The following FAM118A variants were observed in gnomAD, a reference collection of about 807,000 sequenced individuals.
The protein encoded by FAM118A is SIR2 antiphage like 2, also known as protein FAM118A.
A neutral mutation model predicts 38.2 loss-of-function variants in FAM118A; 25 were observed. The ratio of observed to expected loss-of-function variants is 0.65; its 90% CI spans 0.48 to 0.91. The LOEUF (loss-of-function observed/expected upper bound fraction) is 0.91, where lower values mean the gene tolerates loss of function less well. Ranked by LOEUF, FAM118A falls within the 40% of genes least tolerant of loss-of-function variation. FAM118A has a pLI of 0.00. For synonymous variants in FAM118A, 178 were observed against 184.1 expected, an observed-to-expected ratio of 0.97 and a Z score of 0.27; for missense variants, 425 against 463.3, an observed-to-expected ratio of 0.92 and a Z score of 0.76.
chr22:45,328,500 C>T (rs562960196), intron 4 of FAM118A: 33 of 797,518 alleles, frequency 4.1e-5, no homozygotes, highest in East Asian at 1.2e-4. Flanking sequence ...GGCATGGTGG[C>T]GCCTGCCTGC....
In FAM118A at chr22:45,323,231, G is replaced by A; in HGVS notation, c.104G>A (p.Gly35Glu). The A allele has an allele frequency of 6.2e-7, 1 of 1,614,178 alleles. No individual in the cohort carries two copies. The highest frequency in any genetic ancestry group is 8.5e-7 in the Non-Finnish European group (1 of 1,180,032). ...CCCCAGGAACTGCTCCTGGTTATCGGGACTGGCGTCAGCGCAGCAGTGGCC... is the reference window on the plus strand; with the variant it reads ...CCCCAGGAACTGCTCCTGGTTATCGAGACTGGCGTCAGCGCAGCAGTGGCC... ...KQPQELLLVI[G>E]TGVSAAVAPG... The change falls in exon 3 of 9, where the codon GGG becomes GAG. Residue 35 changes from glycine (G) to glutamate (E), a missense_variant. Physicochemically the swap from Gly to Glu is moderately conservative, Grantham distance 98. Transcript: ENST00000441876.
chr22:45,329,877 T>C (rs2085580964), intron 4 of FAM118A: 1 of 152,292 alleles, frequency 6.6e-6, no homozygotes, highest in Non-Finnish European at 1.5e-5. Context: ...CACCTGCTGC[T>C]GTGCGGGCTC....
chr22:45,309,837 C>A (rs891224519), upstream of FAM118A: 6 of 151,594 alleles, frequency 4.0e-5, no homozygotes, highest in Non-Finnish European at 7.4e-5. Context: ...GTCCTGGCTT[C>A]GCCCTTCCCC....
chr22:45,332,436 G>C lies in FAM118A; in HGVS notation c.663G>C (p.Gln221His), dbSNP rs1476851064. Residue 221 changes from glutamine to histidine, a missense_variant, in exon 6 of 9, where the codon CAG becomes CAC. Coordinates refer to ENST00000441876, the MANE Select transcript of FAM118A (RefSeq NM_017911.4). ...TTGGCCTTTTCTAGGAAGTCCTCCA[G>C]AACTTATACCGCACCAAGTCCTTTC... ...TQDAEVMEVL[Q>H]NLYRTKSFLF... The C allele has an allele frequency of 2.5e-6, 4 of 1,611,718 alleles. No homozygotes were observed. The highest frequency in any genetic ancestry group is 1.3e-5 in the African/African-American group (1 of 74,754).
At chr22:45,310,359 C>T (rs915814346) in intron 1 of FAM118A, among the ~76,000 whole-genome samples, 176 bp downstream of exon 1, 2 of 151,942 alleles carry the variant, frequency 1.3e-5, no homozygotes, top group African/African-American at 4.8e-5. Context: ...GCCCGCGAAC[C>T]CCGAAACTCC....
chr22:45,330,543 TTC>T (rs2085634738), intron 4 of FAM118A, 58 bp from the exon 5 acceptor site: 12 of 1,461,040 alleles, frequency 8.2e-6, no homozygotes, highest in Non-Finnish European at 1.1e-5. Flanking sequence ...CAGTATTTTC[TTC>T]TCTCTGTTTG....
intron 1 of FAM118A, chr22:45,318,988 C>T (rs766196895): frequency 1.3e-5 from 2 of 152,170 alleles, no homozygotes; most frequent in Admixed American, 6.5e-5. Flanking sequence ...TGTGATACCT[C>T]GTTCTTTTGA....
chr22:45,323,683 A>G (rs777464672), intron 3 of FAM118A, among the ~76,000 whole-genome samples: 1 of 152,150 alleles, frequency 6.6e-6, no homozygotes, highest in African/African-American at 2.4e-5. Flanking sequence ...CGTCTCAGGG[A>G]GATTGTCCAG....
intron 1 of FAM118A, among the ~76,000 whole-genome samples, chr22:45,311,920 C>T (rs766333370): frequency 1.3e-5 from 2 of 151,894 alleles, no homozygotes; most frequent in South Asian, 2.1e-4. Context: ...GGTCTGTGGT[C>T]GCCTTAGTGC....
chr22:45,332,365 A>T, intron 5 of FAM118A, 60 bp from the exon 6 acceptor site: 1 of 1,533,692 alleles, frequency 6.5e-7, no homozygotes, highest in Non-Finnish European at 8.8e-7. Context: ...TGACTTGGTT[A>T]GTTGTAAGCT....
intron 5 of FAM118A, among the ~76,000 whole-genome samples, chr22:45,330,938 T>C (rs906686578): frequency 1.3e-4 from 20 of 152,188 alleles, no homozygotes; most frequent in African/African-American, 3.9e-4. Context: ...GTTGAGTAGA[T>C]GCTTGGCGAA....
At chr22:45,317,849 C>T (rs981020927) in intron 1 of FAM118A, among the ~76,000 whole-genome samples, 7 of 152,146 alleles carry the variant, frequency 4.6e-5, no homozygotes, top group Admixed American at 2.0e-4. Flanking sequence ...CAGGCTCTGT[C>T]GTAAAGGGTG....
intron 3 of FAM118A, 84 bp from the exon 4 acceptor site, chr22:45,327,758 T>C (rs1187984421): frequency 7.2e-7 from 1 of 1,385,794 alleles, no homozygotes; most frequent in East Asian, 2.4e-5. Flanking sequence ...GCTGTATCTC[T>C]GGCACCCAGA....
At chr22:45,334,216 A>G (rs2085927764) in intron 6 of FAM118A, among the ~76,000 whole-genome samples, 2 of 152,194 alleles carry the variant, frequency 1.3e-5, no homozygotes, top group African/African-American at 4.8e-5. Context: ...TCTTGATATA[A>G]GGGAATTAAT....
At chr22:45,323,067 G>GTGTGTGTA (rs2084992132) in intron 2 of FAM118A, 108 bp from the exon 3 acceptor site, 8 of 1,127,888 alleles carry the variant, frequency 7.1e-6, no homozygotes, top group Admixed American at 6.0e-5. Flanking sequence ...GTGTGTGTGT[G>GTGTGTGTA]TGTGTGTGTA....
intron 5 of FAM118A, 87 bp from the exon 6 acceptor site, chr22:45,332,338 G>A: frequency 1.4e-6 from 2 of 1,411,624 alleles, no homozygotes; most frequent in South Asian, 1.3e-5. Context: ...GAGCAGTGAT[G>A]TAAAAGCACA....
At chr22:45,321,360 A>G (rs893306895) in intron 1 of FAM118A, among the ~76,000 whole-genome samples, 2 of 151,976 alleles carry the variant, frequency 1.3e-5, no homozygotes, top group African/African-American at 2.4e-5. Context: ...CTTACAGTAG[A>G]TATTATTTCT....
Position 45,341,608 on chromosome 22 carries a change from C to G in FAM118A, c.*1203C>G, listed in dbSNP as rs1189159582. The G allele has an allele frequency of 6.6e-6, 1 of 152,250 alleles. No homozygotes were observed. 9.4% of individuals were successfully genotyped at this position (152,250 alleles called of 1,614,324 possible). A position where few individuals can be genotyped will look rare whatever the true frequency, so the allele number is the denominator to read the frequency against. On this transcript the variant is annotated 3_prime_UTR_variant, in exon 9 of 9. Coordinates refer to ENST00000441876, the MANE Select transcript of FAM118A (RefSeq NM_017911.4). ...TCTCAGGTTCACCCACATGAAACGGCTGTGCTGAGTGTGCTGCCGGTGCCC... is the reference window on the plus strand; with the variant it reads ...TCTCAGGTTCACCCACATGAAACGGGTGTGCTGAGTGTGCTGCCGGTGCCC...
At chr22:45,318,656 A>T (rs554609979) in intron 1 of FAM118A, 1 of 152,342 alleles carries the variant, frequency 6.6e-6, no homozygotes, top group East Asian at 1.9e-4. Context: ...GTCTTTAAAC[A>T]TGTAGTGTGA....
Sources: allele counts gnomAD v4.1 joint callset (sites outside exome capture counted in the v4.1 genomes callset), GRCh38; gene constraint gnomAD v4.1.1; transcripts MANE v1.5; gene names NCBI Gene and HGNC (gene_info 2026-07-23, HGNC 2026-07-21).